Variants in CHST8 observed in about 807,000 individuals in gnomAD.
The protein encoded by CHST8 is GALNAC-4-ST1.
A neutral mutation model predicts 15.0 loss-of-function variants in CHST8; 10 were observed. That is an observed-to-expected ratio of 0.67 (90% CI 0.41 to 1.13). The LOEUF is 1.13. Among genes scored for constraint, CHST8 ranks in the 50% most tolerant of loss-of-function variants. The pLI is 0.00. For missense variants in CHST8, 634 were observed against 608.2 expected, an observed-to-expected ratio of 1.04 and a Z score of -0.45; for synonymous variants, 259 against 256.6, an observed-to-expected ratio of 1.01 and a Z score of -0.09.
intron 1 of CHST8, among the ~76,000 whole-genome samples, chr19:33,627,554 C>T (rs550490450): frequency 1.3e-5 from 2 of 152,344 alleles, no homozygotes; most frequent in East Asian, 3.9e-4. Flanking sequence ...TACATCCGCA[C>T]TCCGCACGTA....
chr19:33,649,200 G>A lies in CHST8; in HGVS notation c.-163-18567G>A, dbSNP rs1009409636. Among the ~76,000 whole-genome samples the A allele has an allele frequency of 5.9e-5, 9 of 152,028 alleles. No individual in the cohort carries two copies. The South Asian group carries it at 6.2e-4, about 11-fold the overall frequency. On this transcript the variant is annotated intron_variant, in intron 1 of 4. Coordinates refer to ENST00000650847, the MANE Select transcript of CHST8 (RefSeq NM_001127895.2). ...ATTACAGACAGGAGCCACTGTGCCC[G>A]GCCTGTCTATCCTTCTGATCACAGC...
intron 3 of CHST8, among the ~76,000 whole-genome samples, chr19:33,756,323 C>T (rs1332992575): frequency 8.5e-5 from 13 of 152,174 alleles, no homozygotes; most frequent in Admixed American, 5.2e-4. Flanking sequence ...CTGGAAGTCG[C>T]GGGCCTAGGT....
chr19:33,660,320 T>TA, intron 1 of CHST8, among the ~76,000 whole-genome samples: 1 of 152,324 alleles, frequency 6.6e-6, no homozygotes, highest in Admixed American at 6.5e-5. Context: ...GCCTCACGCT[T>TA]ACTGGAGGTG....
chr19:33,761,601 G>A (rs1010995486), intron 3 of CHST8, among the ~76,000 whole-genome samples: 1 of 151,738 alleles, frequency 6.6e-6, no homozygotes, highest in Non-Finnish European at 1.5e-5. Flanking sequence ...AAAGTGCTGG[G>A]ATTACAGGCA....
chr19:33,751,034 C>T (rs1251352434), intron 3 of CHST8, among the ~76,000 whole-genome samples: 1 of 152,148 alleles, frequency 6.6e-6, no homozygotes. Flanking sequence ...ATAATGAATC[C>T]CATTTCCTCT....
intron 1 of CHST8, among the ~76,000 whole-genome samples, chr19:33,664,272 T>A (rs541603911): frequency 1.5e-4 from 23 of 152,124 alleles, no homozygotes; most frequent in East Asian, 1.2e-3. Context: ...GGATTTTCTT[T>A]TTTATTTATT....
At chr19:33,758,971 G>A (rs901935521) in intron 3 of CHST8, among the ~76,000 whole-genome samples, 3 of 152,124 alleles carry the variant, frequency 2.0e-5, no homozygotes, top group South Asian at 2.1e-4. Flanking sequence ...GCGGGCAAGC[G>A]GGAGTGTGCG....
chr19:33,759,693 T>C (rs571486662), intron 3 of CHST8, among the ~76,000 whole-genome samples: 1 of 152,300 alleles, frequency 6.6e-6, no homozygotes, highest in Admixed American at 6.5e-5. Context: ...TAGTCAGGTC[T>C]CCTCAAAGTC....
chr19:33,750,384 G>C (rs891817649), intron 3 of CHST8, among the ~76,000 whole-genome samples: 4 of 152,172 alleles, frequency 2.6e-5, no homozygotes, highest in African/African-American at 9.7e-5. Context: ...GTCCCCTCTG[G>C]GGCTACCCCC....
chr19:33,740,659 C>G (rs1260121031), intron 3 of CHST8, among the ~76,000 whole-genome samples: 2 of 152,196 alleles, frequency 1.3e-5, no homozygotes, highest in African/African-American at 4.8e-5. Flanking sequence ...TTCAGCAAGC[C>G]CTAAAGGCCA....
intron 3 of CHST8, among the ~76,000 whole-genome samples, chr19:33,705,840 G>A (rs1973435641): frequency 6.6e-6 from 1 of 152,128 alleles, no homozygotes; most frequent in Non-Finnish European, 1.5e-5. Flanking sequence ...GATGTCCCCA[G>A]TACTAGGAGA....
chr19:33,672,486 C>A, intron 2 of CHST8, among the ~76,000 whole-genome samples: 1 of 152,038 alleles, frequency 6.6e-6, no homozygotes, highest in East Asian at 1.9e-4. Flanking sequence ...GGTGTGAGCC[C>A]CTGTGCCTGG....
intron 3 of CHST8, among the ~76,000 whole-genome samples, chr19:33,700,746 G>A (rs1973316618): frequency 1.3e-5 from 2 of 152,192 alleles, no homozygotes. Context: ...CAGAGAGGGT[G>A]GCCAGAGCCC....
chr19:33,771,283 C>T, intron 3 of CHST8, 130 bp from the exon 4 acceptor site: 1 of 875,170 alleles, frequency 1.1e-6, no homozygotes, highest in Non-Finnish European at 1.9e-6. Flanking sequence ...ATGCCCTAAG[C>T]TGCCTTTCCC....
chr19:33,729,742 C>A (rs1020629699), intron 3 of CHST8, among the ~76,000 whole-genome samples: 2 of 152,168 alleles, frequency 1.3e-5, no homozygotes, highest in Admixed American at 6.5e-5. Context: ...TGGGAAAAAA[C>A]CTCAAATCCA....
chr19:33,694,996 C>T (rs1024673446), intron 3 of CHST8, among the ~76,000 whole-genome samples: 2 of 144,896 alleles, frequency 1.4e-5, no homozygotes, highest in Non-Finnish European at 3.0e-5. Flanking sequence ...TGCTCTGTGG[C>T]CCGGGCTGGT....
chr19:33,702,317 C>T (rs1290075897), intron 3 of CHST8, among the ~76,000 whole-genome samples: 1 of 151,992 alleles, frequency 6.6e-6, no homozygotes, highest in Non-Finnish European at 1.5e-5. Flanking sequence ...GGGTCTTGCT[C>T]TGTCACCCAG....
chr19:33,725,109 CAG>C (rs986962225), intron 3 of CHST8, among the ~76,000 whole-genome samples: 35 of 152,208 alleles, frequency 2.3e-4, no homozygotes, highest in African/African-American at 8.2e-4. Flanking sequence ...TGTGCGTGCA[CAG>C]AGTGTGAGGG....
chr19:33,717,916 G>A (rs1177595297), intron 3 of CHST8, among the ~76,000 whole-genome samples: 1 of 152,174 alleles, frequency 6.6e-6, no homozygotes, highest in East Asian at 1.9e-4. Context: ...CACATTCAGA[G>A]GTACTGGGGG....
Sources: gnomAD v4.1 joint callset for allele counts (sites outside exome capture counted in the v4.1 genomes callset) on GRCh38, gnomAD v4.1.1 for gene constraint, MANE v1.5 for transcripts, NCBI Gene and HGNC (gene_info 2026-07-23, HGNC 2026-07-21) for gene names.